The following LAMA1 variants were observed in gnomAD, a reference collection of about 807,000 sequenced individuals.
The protein encoded by LAMA1 is laminin subunit alpha-1.
A neutral mutation model predicts 348.7 loss-of-function variants in LAMA1; 219 were observed. The ratio of observed to expected loss-of-function variants is 0.63; its 90% CI spans 0.56 to 0.70. The LOEUF is 0.70. LAMA1 is among the 30% of genes least tolerant of loss of function. The pLI, the probability that LAMA1 is intolerant of heterozygous loss-of-function variation, is 0.00. For synonymous variants in LAMA1, 1,487 were observed against 1,491.0 expected (o/e 1.00, Z 0.06); for missense variants, 3,744 against 3,888.0 (o/e 0.96, Z 0.99).
chr18:7,035,553 C>T (rs1174640308), intron 13 of LAMA1, among the ~76,000 whole-genome samples: 1 of 151,884 alleles, frequency 6.6e-6, no homozygotes, highest in Non-Finnish European at 1.5e-5. Context: ...CTCCCGAGTA[C>T]CTGGGATTAC....
In LAMA1 at chr18:6,942,127, G is replaced by A; in HGVS notation, c.9180C>T (p.Phe3060=). 14 of 1,614,154 alleles carry A rather than the reference G, an allele frequency of 8.7e-6. No individual in the cohort carries two copies. The highest frequency in any genetic ancestry group is 1.2e-5 in the Non-Finnish European group (14 of 1,180,038). Residue 3060 remains phenylalanine (F), a synonymous_variant, in exon 63 of 63, where the codon TTC becomes TTT. Transcript: ENST00000389658. Reference sequence around the variant, plus strand: ...AATGAAGGAAAACTCCGTGCAGTTCGAACGCTCTGCTGAAGTCAAAGGACT... The same window carrying A: ...AATGAAGGAAAACTCCGTGCAGTTCAAACGCTCTGCTGAAGTCAAAGGACT... ...QVQSFDFSRA[F]ELHGVFLHSC...
chr18:7,099,230 G>C (rs372473411), intron 1 of LAMA1, among the ~76,000 whole-genome samples: 1 of 150,436 alleles, frequency 6.6e-6, no homozygotes, highest in Non-Finnish European at 1.5e-5. Context: ...GATTAAGGGC[G>C]GTGCAAGATG....
intron 1 of LAMA1, among the ~76,000 whole-genome samples, chr18:7,104,137 C>T (rs1183223557): frequency 6.6e-6 from 1 of 152,042 alleles, no homozygotes; most frequent in Non-Finnish European, 1.5e-5. Context: ...CGCCACCACG[C>T]TTGGCTGATT....
At chr18:6,975,175 T>C (rs1440009771) in intron 45 of LAMA1, 139 bp from the exon 46 acceptor site, 1 of 1,092,932 alleles carries the variant, frequency 9.1e-7, no homozygotes, top group East Asian at 2.6e-5. Flanking sequence ...CCCCCAAATC[T>C]ATTTTCTTTT....
At chr18:7,072,737 T>C (rs1467417939) in intron 3 of LAMA1, among the ~76,000 whole-genome samples, 1 of 152,192 alleles carries the variant, frequency 6.6e-6, no homozygotes, top group Non-Finnish European at 1.5e-5. Context: ...GTTGGTATAC[T>C]GGTGCAAGTG....
At chr18:7,083,193 A>T (rs1390269018) in intron 1 of LAMA1, among the ~76,000 whole-genome samples, 83 of 141,080 alleles carry the variant, frequency 5.9e-4, no homozygotes, top group Middle Eastern at 3.6e-3. Context: ...ATATATATAC[A>T]TTTTTTTTTT....
intron 1 of LAMA1, among the ~76,000 whole-genome samples, chr18:7,085,458 G>T (rs143206174): frequency 1.7e-5 from 2 of 116,550 alleles, no homozygotes; most frequent in East Asian, 2.7e-4. Flanking sequence ...TTGCTCTGTC[G>T]CCCAGGCTGT....
rs538698552 is a variant in LAMA1, at chr18:6,956,628, G to A, written c.8094+8C>T. 26 of 1,613,924 alleles carry A rather than the reference G, an allele frequency of 1.6e-5. No homozygotes were observed. The highest frequency in any genetic ancestry group is 1.6e-4 in the Middle Eastern group (1 of 6,062). On this transcript the variant is annotated splice_region_variant and intron_variant, in intron 56 of 62. Transcript: ENST00000389658. Reference sequence around the variant, plus strand: ...GACCTGACTGATAGTAAAGGAAGCCGCTCCTACTGGAAAAGCCCGGGGCTC... The same window carrying A: ...GACCTGACTGATAGTAAAGGAAGCCACTCCTACTGGAAAAGCCCGGGGCTC...
Position 6,945,528 on chromosome 18 carries a change from A to T in LAMA1, c.8844+1635T>A, listed in dbSNP as rs117473169. Among the ~76,000 whole-genome samples, 204 of 152,270 alleles carry T rather than the reference A, an allele frequency of 1.3e-3. 7 individuals are homozygous for T. The highest frequency in any genetic ancestry group is 8.6e-3 in the Admixed American group (131 of 15,296). On this transcript the variant is annotated intron_variant, in intron 61 of 62. Transcript: ENST00000389658. ...CTTCCAAGAGGCACTAGTGTTGGAA[A>T]ATTCAGGCATCTTACTCCCACAACA...
chr18:7,013,693 A>G, intron 23 of LAMA1, 122 bp downstream of exon 23: 1 of 846,582 alleles, frequency 1.2e-6, no homozygotes, highest in Non-Finnish European at 2.0e-6. Flanking sequence ...CAGATGCGGA[A>G]GGGAGTGTGA....
At chr18:7,053,409 T>C (rs143935872) in intron 3 of LAMA1, among the ~76,000 whole-genome samples, 127 of 152,320 alleles carry the variant, frequency 8.3e-4, no homozygotes, top group African/African-American at 2.9e-3. Context: ...AACATGGTAA[T>C]AGTGGGAGCA....
At chr18:7,113,163 A>G (rs1386586547) in intron 1 of LAMA1, among the ~76,000 whole-genome samples, 1 of 152,220 alleles carries the variant, frequency 6.6e-6, no homozygotes, top group Non-Finnish European at 1.5e-5. Flanking sequence ...CCCTGTGAGT[A>G]CAGGGAAGGT....
At chr18:7,043,158 A>G (rs1037303303) in intron 8 of LAMA1, 69 bp downstream of exon 8, 2 of 1,499,272 alleles carry the variant, frequency 1.3e-6, no homozygotes, top group Non-Finnish European at 9.3e-7. Flanking sequence ...AGAGGTTAAG[A>G]CTTGACAAAG....
chr18:7,054,217 T>C (rs931881192), intron 3 of LAMA1, among the ~76,000 whole-genome samples: 8 of 152,178 alleles, frequency 5.3e-5, no homozygotes, highest in Admixed American at 2.6e-4. Flanking sequence ...GAATCTCTCG[T>C]TTTTATCCTC....
chr18:7,076,202 A>G (rs185291502), intron 3 of LAMA1, among the ~76,000 whole-genome samples: 1 of 152,318 alleles, frequency 6.6e-6, no homozygotes, highest in East Asian at 1.9e-4. Flanking sequence ...AGGTGTAGCC[A>G]TGCTGTAGAT....
At chr18:7,098,679 G>A (rs1167035227) in intron 1 of LAMA1, among the ~76,000 whole-genome samples, 1 of 150,876 alleles carries the variant, frequency 6.6e-6, no homozygotes, top group Admixed American at 6.6e-5. Context: ...GAAGTGAGGA[G>A]CGTCTCCGCC....
rs765541534 is a variant in LAMA1, at chr18:6,975,687, A to G, written c.6489+250T>C. 1.3e-5 allele frequency among the ~76,000 whole-genome samples: 2 copies of G among 152,142 alleles called. 1 individual carries two copies. The highest frequency in any genetic ancestry group is 2.9e-5 in the Non-Finnish European group (2 of 68,028). On this transcript the variant is annotated intron_variant, in intron 45 of 62. Coordinates refer to ENST00000389658, the MANE Select transcript of LAMA1 (RefSeq NM_005559.4). ...AGGGGTCAACGGGGGAATCACAAAA[A>G]AGTTCCATCCCCAAGGCTTACAATT...
Position 6,997,850 on chromosome 18 carries a change from AT to A in LAMA1, c.4697del (p.Asn1566MetfsTer13), listed in dbSNP as rs2057789808. The A allele has an allele frequency of 1.9e-6, 3 of 1,614,102 alleles. No homozygotes were observed. The African/African-American group carries it at 4.0e-5, about 22-fold the overall frequency. The part of the protein sequence containing the change: ...CDDECVGVLL[N>X]DLDEIGDAVL... ...CGGCATCACCAATCTCATCCAAGTCATTCAGCAGCACACCTACACACTCATC... is the reference window on the plus strand; with the variant it reads ...CGGCATCACCAATCTCATCCAAGTCATCAGCAGCACACCTACACACTCATC... On this transcript the variant is annotated frameshift_variant, in exon 33 of 63. Transcript: ENST00000389658. LOFTEE classifies it high-confidence loss of function.
At chr18:7,088,316 G>A (rs1227798906) in intron 1 of LAMA1, among the ~76,000 whole-genome samples, 4 of 151,882 alleles carry the variant, frequency 2.6e-5, no homozygotes, top group Non-Finnish European at 5.9e-5. Context: ...GAGTACTTAT[G>A]CCCCTGTAAG....
Sources: gnomAD v4.1 joint callset for allele counts (sites outside exome capture counted in the v4.1 genomes callset) on GRCh38, gnomAD v4.1.1 for gene constraint, MANE v1.5 for transcripts, NCBI Gene and HGNC (gene_info 2026-07-23, HGNC 2026-07-21) for gene names.